Variants in SLC28A3 observed in about 807,000 individuals in gnomAD.
The protein encoded by SLC28A3 is solute carrier family 28 member 3.
A neutral mutation model predicts 84.2 loss-of-function variants in SLC28A3; 68 were observed. The observed-to-expected ratio is 0.81, with a 90% CI of 0.66 to 0.99. The LOEUF (loss-of-function observed/expected upper bound fraction) is 0.99. Ranked by LOEUF, SLC28A3 falls within the 50% of genes least tolerant of loss-of-function variation. The pLI, the probability that SLC28A3 is intolerant of heterozygous loss-of-function variation, is 0.00. For synonymous variants in SLC28A3, 267 were observed against 303.6 expected, an observed-to-expected ratio of 0.88 and a Z score of 1.25; for missense variants, 712 against 841.5, an observed-to-expected ratio of 0.85 and a Z score of 1.90.
intron 8 of SLC28A3, among the ~76,000 whole-genome samples, chr9:84,296,733 A>G (rs1816482632): frequency 6.6e-6 from 1 of 151,620 alleles, no homozygotes; most frequent in African/African-American, 2.4e-5. Context: ...GAGATGAGAA[A>G]CGTTTAGCAC....
chr9:84,320,499 T>C (rs543633681), intron 1 of SLC28A3, among the ~76,000 whole-genome samples: 1 of 152,304 alleles, frequency 6.6e-6, no homozygotes, highest in East Asian at 1.9e-4. Context: ...TCACACTTTA[T>C]TATTTTCCTC....
intron 15 of SLC28A3, 30 bp downstream of exon 15, chr9:84,280,771 G>T (rs368332766): frequency 3.7e-6 from 6 of 1,607,646 alleles, no homozygotes; most frequent in Non-Finnish European, 5.1e-6. Flanking sequence ...TGGCACATCT[G>T]TGTTGTTGAA....
the SLC28A3 span, among the ~76,000 whole-genome samples, chr9:84,353,831 T>G: frequency 6.6e-6 from 1 of 152,262 alleles, no homozygotes; most frequent in African/African-American, 2.4e-5. Context: ...GTTTGTATGC[T>G]TTCCTGTTAA....
Position 84,302,355 on chromosome 9 carries a change from C to G in SLC28A3, c.369G>C (p.Leu123=), listed in dbSNP as rs1825665656. Residue 123 remains leucine (L), a synonymous_variant, in exon 5 of 18, where the codon CTG becomes CTC. Coordinates refer to ENST00000376238, the MANE Select transcript of SLC28A3 (RefSeq NM_001199633.2). ...YLVMVISACV[L]NFHRALPLFV... Reference sequence around the variant, plus strand: ...AAAGAGGAAGGGCTCTGTGAAAGTTCAGCACACAGGCCGAAATCACCATAA... The same window carrying G: ...AAAGAGGAAGGGCTCTGTGAAAGTTGAGCACACAGGCCGAAATCACCATAA... 6.2e-7 allele frequency: 1 copy of G among 1,613,896 alleles called. No homozygotes were observed. The highest frequency in any genetic ancestry group is 1.3e-5 in the African/African-American group (1 of 74,906).
Position 84,285,535 on chromosome 9 carries a change from C to T in SLC28A3, c.1457G>A (p.Cys486Tyr). The T allele has an allele frequency of 6.2e-7, 1 of 1,614,120 alleles. No individual in the cohort carries two copies. The highest frequency in any genetic ancestry group is 8.5e-7 in the Non-Finnish European group (1 of 1,179,996). Reference sequence around the variant, plus strand: ...GGAAAAGGGCATGAAGATGTAGGAGCAGATTAGCTACAGAAACCAAAAGTA... The same window carrying T: ...GGAAAAGGGCATGAAGATGTAGGAGTAGATTAGCTACAGAAACCAAAAGTA... Reference protein sequence around the residue: ...DYPQLSFELICSYIFMPFSFM... With the variant: ...DYPQLSFELIYSYIFMPFSFM... Residue 486 changes from cysteine (C) to tyrosine (Y), a missense_variant, in exon 14 of 18, where the codon TGC (cysteine) becomes TAC (tyrosine). Transcript: ENST00000376238.
At chr9:84,301,369 A>G (rs113214509) in intron 5 of SLC28A3, among the ~76,000 whole-genome samples, 111 of 132,402 alleles carry the variant, frequency 8.4e-4, no homozygotes, top group African/African-American at 2.4e-3. Flanking sequence ...AAAAAAAAAA[A>G]AAAAAGAAAA....
At chr9:84,281,077 T>C (rs370998873) in intron 14 of SLC28A3, among the ~76,000 whole-genome samples, 195 bp from the exon 15 acceptor site, 37 of 152,318 alleles carry the variant, frequency 2.4e-4, no homozygotes, top group African/African-American at 7.5e-4. Flanking sequence ...GGAAGGGGGC[T>C]GTGTGGACTC....
the SLC28A3 span, among the ~76,000 whole-genome samples, chr9:84,348,402 A>G: frequency 2.6e-5 from 4 of 151,556 alleles, no homozygotes; most frequent in African/African-American, 7.3e-5. Context: ...TTAGCTTCCA[A>G]TTCAGGCTTT....
At chr9:84,309,588 G>A (rs370747391) in intron 3 of SLC28A3, 41 bp downstream of exon 3, 14 of 1,379,658 alleles carry the variant, frequency 1.0e-5, no homozygotes, top group Middle Eastern at 1.8e-4. Context: ...AAAACCAAAC[G>A]GGAGGTAGGC....
chr9:84,360,190 G>T, the SLC28A3 span, among the ~76,000 whole-genome samples: 1 of 152,108 alleles, frequency 6.6e-6, no homozygotes, highest in Non-Finnish European at 1.5e-5. Context: ...ATGGGAAGCC[G>T]CTGGGAGGTT....
intron 1 of SLC28A3, among the ~76,000 whole-genome samples, chr9:84,332,071 A>G (rs552185038): frequency 2.6e-5 from 4 of 152,338 alleles, no homozygotes; most frequent in African/African-American, 9.6e-5. Flanking sequence ...CCTACCTTAC[A>G]CTATACATTA....
Position 84,313,210 on chromosome 9 carries a change from C to T in SLC28A3, c.156+149G>A, listed in dbSNP as rs528615038. ...TGTTTGGGCGTGTGTGTTTTCTTTA[C>T]GACTATGCCCCCACACACTTTAATT... On this transcript the variant is annotated intron_variant, in intron 2 of 17. Transcript: ENST00000376238. 3.1e-4 allele frequency: 178 copies of T among 573,750 alleles called. 3 individuals are homozygous for T. The South Asian group carries it at 5.3e-3, about 17-fold the overall frequency. The allele number at this position is 573,750 out of a possible 1,614,324, so 35.5% of individuals were successfully genotyped here. A position where few individuals can be genotyped will look rare whatever the true frequency, so the allele number is the denominator to read the frequency against.
chr9:84,282,577 G>A (rs1158026373), intron 14 of SLC28A3, among the ~76,000 whole-genome samples: 7 of 152,200 alleles, frequency 4.6e-5, no homozygotes, highest in Admixed American at 3.3e-4. Context: ...GGCAGTCAGA[G>A]GATGGAAGAT....
At chr9:84,308,403 G>A (rs577224620) in intron 3 of SLC28A3, among the ~76,000 whole-genome samples, 28 of 151,946 alleles carry the variant, frequency 1.8e-4, no homozygotes, top group Admixed American at 7.2e-4. Context: ...AAAATTAGCC[G>A]GGCACGATGG....
chr9:84,288,281 G>T (rs1383687856), intron 11 of SLC28A3, 103 bp from the exon 12 acceptor site: 2 of 1,508,360 alleles, frequency 1.3e-6, no homozygotes, highest in Non-Finnish European at 9.0e-7. Context: ...GGCAGGGGTT[G>T]TTTCTATTCC....
At chr9:84,301,357 A>G (rs1468247672) in intron 5 of SLC28A3, among the ~76,000 whole-genome samples, 1 of 150,286 alleles carries the variant, frequency 6.7e-6, no homozygotes. Flanking sequence ...CTCAAAAAAA[A>G]AAAAAAAAAA....
intron 1 of SLC28A3, among the ~76,000 whole-genome samples, chr9:84,331,234 T>G (rs895762185): frequency 5.3e-5 from 8 of 152,106 alleles, no homozygotes; most frequent in African/African-American, 1.9e-4. Flanking sequence ...TGTCATGTGT[T>G]TTTGTGTGTG....
intron 11 of SLC28A3, among the ~76,000 whole-genome samples, chr9:84,288,459 A>G (rs1444356065): frequency 6.6e-6 from 1 of 152,188 alleles, no homozygotes; most frequent in Admixed American, 6.5e-5. Flanking sequence ...AAAAGAATTA[A>G]TCCTGTGTTG....
intron 3 of SLC28A3, among the ~76,000 whole-genome samples, chr9:84,308,151 G>T (rs560099023): frequency 6.6e-6 from 1 of 152,276 alleles, no homozygotes; most frequent in Non-Finnish European, 1.5e-5. Context: ...TGAGGTGGGA[G>T]GATCACCTGA....
Sources: allele counts gnomAD v4.1 joint callset (sites outside exome capture counted in the v4.1 genomes callset), GRCh38; gene constraint gnomAD v4.1.1; transcripts MANE v1.5; gene names NCBI Gene and HGNC (gene_info 2026-07-23, HGNC 2026-07-21).